SLC35F4: variants seen among roughly 807,000 people sequenced by gnomAD.
The protein encoded by SLC35F4 is solute carrier family 35 member F4, also known as chromosome 14 open reading frame 36.
Under a neutral mutation model 44.2 loss-of-function variants are expected in SLC35F4, and 24 were observed. The observed-to-expected ratio is 0.54, with a 90% CI of 0.39 to 0.76. SLC35F4 has a LOEUF of 0.76. Ranked by LOEUF, SLC35F4 falls within the 30% of genes least tolerant of loss-of-function variation. The probability of loss-of-function intolerance (pLI) is 0.00; values close to 1 mark genes in which losing one functional copy is unlikely to be tolerated. For missense variants in SLC35F4, 562 were observed against 586.1 expected, an observed-to-expected ratio of 0.96 and a Z score of 0.42; for synonymous variants, 238 against 223.6, an observed-to-expected ratio of 1.06 and a Z score of -0.57.
chr14:57,728,958 C>T (rs1480619290), intron 1 of SLC35F4, among the ~76,000 whole-genome samples: 2 of 152,090 alleles, frequency 1.3e-5, no homozygotes, highest in African/African-American at 4.8e-5. Flanking sequence ...TTTTTTCCTT[C>T]AGCACTTTAA....
chr14:57,898,428 C>T (rs1888930535), intron 1 of SLC35F4, among the ~76,000 whole-genome samples: 1 of 152,134 alleles, frequency 6.6e-6, no homozygotes, highest in Non-Finnish European at 1.5e-5. Flanking sequence ...GTTTTATTAC[C>T]TTGGAAATAG....
intron 1 of SLC35F4, among the ~76,000 whole-genome samples, chr14:57,607,773 T>A (rs2071250594): frequency 6.6e-6 from 1 of 152,134 alleles, no homozygotes; most frequent in South Asian, 2.1e-4. Flanking sequence ...AAGAGAAAAC[T>A]GGATGTCTAG....
intron 1 of SLC35F4, among the ~76,000 whole-genome samples, chr14:57,600,033 G>A (rs889840805): frequency 6.6e-6 from 1 of 152,100 alleles, no homozygotes; most frequent in Non-Finnish European, 1.5e-5. Context: ...GTGGAAAAAA[G>A]TGGAAAGAGG....
At chr14:57,888,392 A>G (rs186977047) in intron 1 of SLC35F4, among the ~76,000 whole-genome samples, 3 of 152,322 alleles carry the variant, frequency 2.0e-5, no homozygotes, top group Admixed American at 2.0e-4. Context: ...ATCGTAGTAG[A>G]AGATGCAGAC....
At chr14:57,645,284 T>A (rs1398109844) in intron 1 of SLC35F4, among the ~76,000 whole-genome samples, 1 of 152,234 alleles carries the variant, frequency 6.6e-6, no homozygotes, top group Non-Finnish European at 1.5e-5. Flanking sequence ...GTTTGTATCC[T>A]CTTTTATTTC....
chr14:57,611,590 A>AAC (rs2071505689), intron 1 of SLC35F4, among the ~76,000 whole-genome samples: 1 of 134,328 alleles, frequency 7.4e-6, no homozygotes, highest in Non-Finnish European at 1.7e-5. Flanking sequence ...AGAGTTAAAA[A>AAC]AAAAAAAACA....
chr14:57,923,922 C>T (rs756586648), intron 1 of SLC35F4, among the ~76,000 whole-genome samples: 5 of 152,210 alleles, frequency 3.3e-5, no homozygotes, highest in African/African-American at 4.8e-5. Context: ...CCACAATTCC[C>T]ACGTGTAGTG....
rs562430635 is a variant in SLC35F4, at chr14:57,735,489, G to C, written c.103+130234C>G. 2.2e-4 allele frequency among the ~76,000 whole-genome samples: 34 copies of C among 152,276 alleles called. No homozygotes were observed. In the South Asian group the frequency reaches 6.8e-3, roughly 31 times the overall value. ...CAGATGGCCTTCCTGATGTCTAGCA[G>C]TTGATGCCAGCCATCAGCTGGGATG... On this transcript the variant is annotated intron_variant, in intron 1 of 7. Transcript: ENST00000556826.
At chr14:57,963,204 TC>T (rs920138327) in intron 1 of SLC35F4, among the ~76,000 whole-genome samples, 4 of 152,190 alleles carry the variant, frequency 2.6e-5, no homozygotes, top group Non-Finnish European at 5.9e-5. Flanking sequence ...CATGGATTTT[TC>T]CAACCCTTCT....
chr14:57,804,215 A>C (rs1433368757), intron 1 of SLC35F4, among the ~76,000 whole-genome samples: 1 of 152,238 alleles, frequency 6.6e-6, no homozygotes, highest in Non-Finnish European at 1.5e-5. Context: ...TACAGATTCA[A>C]TGTTATTCCC....
intron 1 of SLC35F4, among the ~76,000 whole-genome samples, chr14:57,760,097 C>T (rs557128959): frequency 5.9e-5 from 9 of 152,008 alleles, no homozygotes; most frequent in Non-Finnish European, 1.3e-4. Context: ...TCCAAAAAAT[C>T]ATTGCCAAGT....
At position 57,906,343 on chromosome 14, in the gene SLC35F4, C is replaced by G. The variant is rs1342362373; in HGVS notation, n.282+75570G>C. On this transcript the variant is annotated intron_variant and non_coding_transcript_variant, in intron 1 of 1. Coordinates refer to the SLC35F4 transcript ENST00000556568. ...GCCTGCATATATTGTACTGCACTTG[C>G]TCTTTTCACATAATAGCATAGCTTT... Among the ~76,000 whole-genome samples the G allele has an allele frequency of 2.6e-5, 4 of 152,184 alleles. No individual in the cohort carries two copies. In the East Asian group the frequency reaches 5.8e-4, roughly 22 times the overall value.
chr14:57,679,406 C>A (rs2074812892), intron 1 of SLC35F4, among the ~76,000 whole-genome samples: 1 of 151,990 alleles, frequency 6.6e-6, no homozygotes, highest in South Asian at 2.1e-4. Context: ...GCACTAAATG[C>A]CCACAGGAGA....
chr14:57,886,850 G>A (rs1888659941), intron 1 of SLC35F4, among the ~76,000 whole-genome samples: 2 of 152,168 alleles, frequency 1.3e-5, no homozygotes, highest in Admixed American at 6.5e-5. Context: ...GAGTACATTT[G>A]GATGCCACAA....
chr14:57,789,149 C>T (rs2077846689), intron 1 of SLC35F4, among the ~76,000 whole-genome samples: 1 of 152,052 alleles, frequency 6.6e-6, no homozygotes, highest in South Asian at 2.1e-4. Context: ...TAACTAAGAT[C>T]AGAGCAGAAC....
intron 1 of SLC35F4, among the ~76,000 whole-genome samples, chr14:57,666,693 C>T (rs558703130): frequency 6.8e-6 from 1 of 147,210 alleles, no homozygotes; most frequent in Admixed American, 6.8e-5. Flanking sequence ...AGCATGATGG[C>T]CAAAAAAAAG....
At chr14:57,670,067 A>G (rs2074461075) in intron 1 of SLC35F4, among the ~76,000 whole-genome samples, 1 of 152,038 alleles carries the variant, frequency 6.6e-6, no homozygotes, top group African/African-American at 2.4e-5. Flanking sequence ...GGGAGAGTGT[A>G]TGTGTCGAGG....
At position 57,958,305 on chromosome 14, in the gene SLC35F4, G is replaced by T. The variant is rs540929927; in HGVS notation, n.282+23608C>A. ...AATCTCCTGACCTCGTGATCTGCCCGCCTCAGCCTCCCAAAGTGCTGAGAT... is the reference window on the plus strand; with the variant it reads ...AATCTCCTGACCTCGTGATCTGCCCTCCTCAGCCTCCCAAAGTGCTGAGAT... On this transcript the variant is annotated intron_variant and non_coding_transcript_variant, in intron 1 of 1. Transcript: ENST00000556568. 1.8e-4 allele frequency among the ~76,000 whole-genome samples: 27 copies of T among 152,202 alleles called. No individual in the cohort carries two copies. The South Asian group carries it at 5.2e-3, about 29-fold the overall frequency.
At chr14:57,824,456 G>A (rs796086817) in intron 1 of SLC35F4, among the ~76,000 whole-genome samples, 1 of 152,086 alleles carries the variant, frequency 6.6e-6, no homozygotes, top group Non-Finnish European at 1.5e-5. Context: ...TACATATATA[G>A]GTACATACAT....
Sources: gnomAD v4.1 joint callset for allele counts (sites outside exome capture counted in the v4.1 genomes callset) on GRCh38, gnomAD v4.1.1 for gene constraint, MANE v1.5 for transcripts, NCBI Gene and HGNC (gene_info 2026-07-23, HGNC 2026-07-21) for gene names.